COL1A1: variants seen among roughly 807,000 people sequenced by gnomAD.
COL1A1 encodes the protein collagen type I alpha 1 chain.
Under a neutral mutation model 195.7 loss-of-function variants are expected in COL1A1, and 21 were observed. That is an observed-to-expected ratio of 0.11 (90% confidence interval 0.08 to 0.15). The LOEUF (loss-of-function observed/expected upper bound fraction) is 0.15, where lower values mean the gene tolerates loss of function less well. Ranked by LOEUF, COL1A1 falls within the 10% of genes least tolerant of loss-of-function variation. The probability of loss-of-function intolerance (pLI) is 1.00; values close to 1 mark genes in which losing one functional copy is unlikely to be tolerated. For missense variants in COL1A1, 1,365 were observed against 2,051.0 expected, an observed-to-expected ratio of 0.67 and a Z score of 6.46; for synonymous variants, 749 against 747.3, an observed-to-expected ratio of 1.00 and a Z score of -0.04.
rs754406730 is a variant in COL1A1, at chr17:50,190,811, C to T, written c.2343+6G>A. 1 of 1,609,874 alleles carries T rather than the reference C, an allele frequency of 6.2e-7. No individual in the cohort carries two copies. The highest frequency in any genetic ancestry group is 8.5e-7 in the Non-Finnish European group (1 of 1,176,764). ...AGGGCAGAAGGTGGGGAGGCGGCCA[C>T]CTCACCTTGTCACCAGGGGCACCAG... is the stretch of plus-strand genomic sequence containing the variant. On this transcript the variant is annotated splice_donor_region_variant and intron_variant, in intron 33 of 50. Coordinates refer to ENST00000225964, the MANE Select transcript of COL1A1 (RefSeq NM_000088.4). This position sits in a 1 kb window ranked among gnomAD's most constrained non-coding sequence, Gnocchi z 4.7.
chr17:50,198,276 GC>G, intron 6 of COL1A1, 71 bp from the exon 7 acceptor site: 1 of 1,591,336 alleles, frequency 6.3e-7, no homozygotes. Context: ...AGTCATTCAT[GC>G]CTGTTGGGAC....
rs768572265 is a variant in COL1A1 at position 50,186,728 on chromosome 17, G to A, written c.3726C>T (p.Ile1242=). The change falls in exon 48 of 51, where the codon ATC becomes ATT. Residue 1242 remains isoleucine, a synonymous_variant. Coordinates refer to ENST00000225964, the MANE Select transcript of COL1A1 (RefSeq NM_000088.4). This position sits in a 1 kb window ranked among gnomAD's most constrained non-coding sequence, Gnocchi z 5.3. The part of the protein sequence containing the change: ...DTTLKSLSQQ[I]ENIRSPEGSR... ...TGCCCTCTGGGCTCCGGATGTTCTC[G>A]ATCTGCTGGCTCAGGCTCTTGAGGG... 27 of 1,613,690 alleles carry A rather than the reference G, an allele frequency of 1.7e-5. No individual in the cohort carries two copies. Among genetic ancestry groups the A allele is most frequent in the East Asian group, 8.9e-5 (4 of 44,886 alleles).
chr17:50,186,579 G>A lies in COL1A1; in HGVS notation c.3814+61C>T. ...GCACCATATGGTAGGGGCACATATG[G>A]GCATGGGGACCCTGGCATGGCAGGA... On this transcript the variant is annotated intron_variant, in intron 48 of 50. Transcript: ENST00000225964. The surrounding 1 kb of genome is among the most constrained non-coding windows in gnomAD (Gnocchi z 5.3). The A allele has an allele frequency of 2.5e-6, 4 of 1,613,602 alleles. No individual in the cohort carries two copies. The highest frequency in any genetic ancestry group is 2.5e-6 in the Non-Finnish European group (3 of 1,179,740).
At chr17:50,187,809 G>C in intron 45 of COL1A1, 67 bp downstream of exon 45, 1 of 1,397,438 alleles carries the variant, frequency 7.2e-7, no homozygotes, top group Non-Finnish European at 9.8e-7. Flanking sequence ...GGGGGAAACT[G>C]AGGCGAAGCT....
At chr17:50,200,267 G>A in intron 1 of COL1A1, 1 of 424,422 alleles carries the variant, frequency 2.4e-6, no homozygotes, top group East Asian at 4.9e-5. Context: ...GAGAGGGGGA[G>A]GGCGGGGGGA....
Position 50,194,839 on chromosome 17 carries a change from C to A in COL1A1, c.1354-11G>T. 1 of 1,568,776 alleles carries A rather than the reference C, an allele frequency of 6.4e-7. No homozygotes were observed. Among genetic ancestry groups the A allele is most frequent in the Non-Finnish European group, 8.6e-7 (1 of 1,156,512 alleles). ...AACACCAACAGGGCCCTGGAGAGGGCCGAGAGGAGGAGGCGGCCTGTGGTG... is the reference window on the plus strand; with the variant it reads ...AACACCAACAGGGCCCTGGAGAGGGACGAGAGGAGGAGGCGGCCTGTGGTG... On this transcript the variant is annotated splice_polypyrimidine_tract_variant and intron_variant, in intron 20 of 50. Transcript: ENST00000225964. This position sits in a 1 kb window ranked among gnomAD's most constrained non-coding sequence, Gnocchi z 6.8.
intron 25 of COL1A1, 112 bp downstream of exon 25, chr17:50,193,831 G>C (rs1287540786): frequency 4.3e-5 from 40 of 935,364 alleles, no homozygotes; most frequent in Non-Finnish European, 6.9e-5. Flanking sequence ...GAAAGTGAGA[G>C]TGAGTGGCCA....
chr17:50,189,646 C>A lies in COL1A1; in HGVS notation c.2667+33G>T. 6.2e-7 allele frequency: 1 copy of A among 1,613,630 alleles called. No homozygotes were observed. The highest frequency in any genetic ancestry group is 8.5e-7 in the Non-Finnish European group (1 of 1,179,788). On this transcript the variant is annotated intron_variant, in intron 38 of 50. Transcript: ENST00000225964. The surrounding 1 kb of genome is among the most constrained non-coding windows in gnomAD (Gnocchi z 5.5). The stretch of plus-strand genomic sequence containing the variant: ...GGCAGCCCCCACCCAGCACCCCCAA[C>A]CTAGAGCAGTGGACTCTGCTGCAGA...
intron 26 of COL1A1, 65 bp downstream of exon 26, chr17:50,192,929 T>TGCA: frequency 6.2e-7 from 1 of 1,610,352 alleles, no homozygotes; most frequent in South Asian, 1.1e-5. Context: ...GCACCCCTCC[T>TGCA]GCAGGGAGGA....
chr17:50,188,184 A>T lies in COL1A1; in HGVS notation c.3208-35T>A, dbSNP rs777189172. 12 of 1,528,220 alleles carry T rather than the reference A, an allele frequency of 7.9e-6. No homozygotes were observed. The highest frequency in any genetic ancestry group is 9.7e-6 in the Non-Finnish European group (11 of 1,132,466). 94.7% of individuals were successfully genotyped at this position (1,528,220 alleles called of 1,614,324 possible). On this transcript the variant is annotated intron_variant, in intron 43 of 50. Transcript: ENST00000225964. This position sits in a 1 kb window ranked among gnomAD's most constrained non-coding sequence, Gnocchi z 5.6. ...GCAAGGAAAGCATGAGCTCTTGGCC[A>T]GGGAAGGCTGAGGCTGGGGCTGCAG...
In COL1A1 at chr17:50,196,513, G is replaced by A. The variant is rs139840296; in HGVS notation, c.874C>T (p.Pro292Ser). 6.2e-7 allele frequency: 1 copy of A among 1,614,156 alleles called. No individual in the cohort carries two copies. The highest frequency in any genetic ancestry group is 8.5e-7 in the Non-Finnish European group (1 of 1,180,032). The change falls in exon 13 of 51, where the codon CCT (proline) becomes TCT (serine). Residue 292 changes from proline (P) to serine (S), a missense_variant. Physicochemically the swap from Pro to Ser is moderately conservative, Grantham distance 74. Around this residue, in one of 5 missense-constraint regions of COL1A1, gnomAD observed 226 missense variants for 372.9 expected, o/e 0.61. Coordinates refer to ENST00000225964, the MANE Select transcript of COL1A1 (RefSeq NM_000088.4). Reference sequence around the variant, plus strand: ...TGACCAGGAGCTCCATTTTCACCAGGGCTGCCAGGCTCACCCTGTAGATCA... The same window carrying A: ...TGACCAGGAGCTCCATTTTCACCAGAGCTGCCAGGCTCACCCTGTAGATCA... ...PAGPKGEPGS[P>S]GENGAPGQMG...
rs762706762 is a variant in COL1A1 at position 50,198,027 on chromosome 17, T to G, written c.589-25A>C. 2.5e-6 allele frequency: 4 copies of G among 1,613,198 alleles called. No homozygotes were observed. The African/African-American group carries it at 5.3e-5, about 22-fold the overall frequency. On this transcript the variant is annotated intron_variant, in intron 7 of 50. Coordinates refer to ENST00000225964, the MANE Select transcript of COL1A1 (RefSeq NM_000088.4). ...CCTTGAGAAGAAGGAAAAAGATGGGTTAGAAGACAAGTCCCTGTCAACCTT... is the reference window on the plus strand; with the variant it reads ...CCTTGAGAAGAAGGAAAAAGATGGGGTAGAAGACAAGTCCCTGTCAACCTT...
chr17:50,188,015 G>A lies in COL1A1; in HGVS notation c.3262-32C>T, dbSNP rs41316709. 9,130 of 1,613,850 alleles carry A rather than the reference G, an allele frequency of 5.7e-3. 45 individuals carry two copies. Among genetic ancestry groups the A allele is most frequent in the Non-Finnish European group, 6.9e-3 (8,084 of 1,179,772 alleles). On this transcript the variant is annotated intron_variant, in intron 44 of 50. Transcript: ENST00000225964. This position sits in a 1 kb window ranked among gnomAD's most constrained non-coding sequence, Gnocchi z 5.6. ...GAGAGAAAGGGACAAACTGTCAGGCGGAAGTTCCATTGGCATCGAGTGGGG... is the reference window on the plus strand; with the variant it reads ...GAGAGAAAGGGACAAACTGTCAGGCAGAAGTTCCATTGGCATCGAGTGGGG...
In COL1A1 at chr17:50,201,537, T is replaced by C; in HGVS notation, c.-24A>G. The C allele has an allele frequency of 1.3e-6, 2 of 1,595,364 alleles. No individual in the cohort carries two copies. Among genetic ancestry groups the C allele is most frequent in the Non-Finnish European group, 1.7e-6 (2 of 1,171,060 alleles). ...ATGTCTAGACCCTAGACATGTAGACTCTTTGTGGCTGGGGAGGGGGTTAGC... is the reference window on the plus strand; with the variant it reads ...ATGTCTAGACCCTAGACATGTAGACCCTTTGTGGCTGGGGAGGGGGTTAGC... On this transcript the variant is annotated 5_prime_UTR_variant, in exon 1 of 51. Coordinates refer to ENST00000225964, the MANE Select transcript of COL1A1 (RefSeq NM_000088.4).
At position 50,184,387 on chromosome 17, in the gene COL1A1, A is replaced by G. The variant is rs1906271284; in HGVS notation, c.*1115T>C. The G allele has an allele frequency of 1.3e-5, 3 of 231,058 alleles. No individual in the cohort carries two copies. In the South Asian group the frequency reaches 5.5e-4, roughly 42 times the overall value. The allele number at this position is 231,058 out of a possible 1,614,324, so 14.3% of individuals were successfully genotyped here. ...CCAGAGGCAGGTGGAGAGAGGGTGG[A>G]AAGTGAGCAGCGGGCTGGGCTGGAG... On this transcript the variant is annotated 3_prime_UTR_variant, in exon 51 of 51. Transcript: ENST00000225964.
At position 50,194,946 on chromosome 17, in the gene COL1A1, C is replaced by T. The variant is rs1907441356; in HGVS notation, c.1353+101G>A. ...GGTTCCTGGGGGTGTGGCAGGGACT[C>T]CCCCAGAAGACTAGGGGCTCCTCTT... On this transcript the variant is annotated intron_variant, in intron 20 of 50. Transcript: ENST00000225964. This position sits in a 1 kb window ranked among gnomAD's most constrained non-coding sequence, Gnocchi z 6.8. 2 of 1,476,402 alleles carry T rather than the reference C, an allele frequency of 1.4e-6. No individual in the cohort carries two copies. Among genetic ancestry groups the T allele is most frequent in the East Asian group, 2.3e-5 (1 of 44,178 alleles). 91.5% of individuals were successfully genotyped at this position (1,476,402 alleles called of 1,614,324 possible). A position where few individuals can be genotyped will look rare whatever the true frequency, so the allele number is the denominator to read the frequency against.
chr17:50,188,309 C>A lies in COL1A1; in HGVS notation c.3208-160G>T, dbSNP rs531558533. On this transcript the variant is annotated intron_variant, in intron 43 of 50. Transcript: ENST00000225964. The surrounding 1 kb of genome is among the most constrained non-coding windows in gnomAD (Gnocchi z 5.6). Reference sequence around the variant, plus strand: ...GGAAACCTCCCCACTGCAATCTTCACGGGAGCTGGGGCCAACTCATGGGAG... The same window carrying A: ...GGAAACCTCCCCACTGCAATCTTCAAGGGAGCTGGGGCCAACTCATGGGAG... 10 of 881,440 alleles carry A rather than the reference C, an allele frequency of 1.1e-5. No individual in the cohort carries two copies. In the African/African-American group the frequency reaches 1.2e-4, roughly 10 times the overall value. The allele number at this position is 881,440 out of a possible 1,614,324, so 54.6% of individuals were successfully genotyped here.
intron 1 of COL1A1, among the ~76,000 whole-genome samples, chr17:50,200,532 G>A (rs983408488): frequency 6.6e-6 from 1 of 152,208 alleles, no homozygotes; most frequent in African/African-American, 2.4e-5. Context: ...TTAAAAGCCC[G>A]CTCTCGGGGC....
rs930476771 is a variant in COL1A1 at position 50,196,336 on chromosome 17, C to T, written c.935G>A (p.Arg312His). 1.1e-5 allele frequency: 17 copies of T among 1,610,844 alleles called. No homozygotes were observed. Among genetic ancestry groups the T allele is most frequent in the Admixed American group, 3.4e-5 (2 of 59,340 alleles). ...GPRGLPGERG[R>H]PGAPGPAGAR... ...TACAGCAGGGCCAGGGGCTCCAGGG[C>T]GACCTCTCTCACCAGGCAGGCCACG... Residue 312 changes from arginine to histidine, a missense_variant, in exon 14 of 51, where the codon CGC becomes CAC. Physicochemically the swap from Arg to His is conservative, Grantham distance 29. Transcript: ENST00000225964.
Sources: allele counts gnomAD v4.1 joint callset (sites outside exome capture counted in the v4.1 genomes callset), GRCh38; gene constraint gnomAD v4.1.1; regional missense constraint gnomAD v4.1.1; non-coding constraint Gnocchi (gnomAD v3.1); transcripts MANE v1.5; gene names NCBI Gene and HGNC (gene_info 2026-07-23, HGNC 2026-07-21).